Variants in NFIB observed in about 807,000 individuals in gnomAD.
NFIB encodes nuclear factor 1 B-type.
In NFIB, 11 loss-of-function variants were observed where a neutral mutation model predicts 61.5. The observed-to-expected ratio is 0.18, with a 90% CI of 0.11 to 0.30. The LOEUF is 0.30. Ranked by LOEUF, NFIB falls within the 10% of genes least tolerant of loss-of-function variation. The pLI is 1.00. For synonymous variants in NFIB, 260 were observed against 216.5 expected (o/e 1.20, Z -1.76); for missense variants, 471 against 608.9 (o/e 0.77, Z 2.38).
chr9:14,456,447 T>C, the NFIB span, among the ~76,000 whole-genome samples: 34 of 152,152 alleles, frequency 2.2e-4, no homozygotes, highest in African/African-American at 7.5e-4. Context: ...TATAGACATA[T>C]AATTAATTTC....
intron 1 of NFIB, among the ~76,000 whole-genome samples, chr9:14,378,899 T>C (rs1213940674): frequency 1.3e-5 from 2 of 152,206 alleles, no homozygotes; most frequent in Non-Finnish European, 1.5e-5. Flanking sequence ...CTGATTTGAT[T>C]TGACCTTGGT....
intron 2 of NFIB, among the ~76,000 whole-genome samples, chr9:14,270,579 CAAAAAAAAAAAAAAAAAA>C (rs147823074): frequency 1.8e-5 from 1 of 54,376 alleles, no homozygotes; most frequent in Non-Finnish European, 3.2e-5. Flanking sequence ...CCTTAGATCA[CAAAAAAAAAAAAAAAAAA>C]AAAAAAAAAA....
intron 2 of NFIB, among the ~76,000 whole-genome samples, chr9:14,216,026 G>A (rs759331620): frequency 1.3e-5 from 2 of 152,094 alleles, no homozygotes; most frequent in Non-Finnish European, 2.9e-5. Context: ...TGGTAATGAC[G>A]ATAAAGCTGG....
chr9:14,424,491 C>A, the NFIB span, among the ~76,000 whole-genome samples: 1 of 152,210 alleles, frequency 6.6e-6, no homozygotes, highest in Admixed American at 6.5e-5. Context: ...CTTATTCGAG[C>A]TTGAAACATT....
intron 2 of NFIB, chr9:14,204,429 G>A: frequency 8.7e-7 from 1 of 1,145,860 alleles, no homozygotes. Flanking sequence ...CCCCGCTATA[G>A]CAGGTTGCAG....
At chr9:14,432,408 C>T in the NFIB span, among the ~76,000 whole-genome samples, 185 of 152,328 alleles carry the variant, frequency 1.2e-3, no homozygotes, top group African/African-American at 4.3e-3. Context: ...TTCCTGGGTA[C>T]ATGGTTCTCT....
chr9:14,429,928 G>C, the NFIB span, among the ~76,000 whole-genome samples: 5 of 152,212 alleles, frequency 3.3e-5, no homozygotes, highest in South Asian at 1.0e-3. Flanking sequence ...TTTTAAATAA[G>C]AGAGTATTCA....
chr9:14,269,646 C>A (rs181467384), intron 2 of NFIB, among the ~76,000 whole-genome samples: 5 of 152,204 alleles, frequency 3.3e-5, no homozygotes, highest in Admixed American at 1.3e-4. Flanking sequence ...GAAAAGCATT[C>A]ATGCCAACCC....
intron 10 of NFIB, among the ~76,000 whole-genome samples, chr9:14,102,722 C>T (rs955979858): frequency 4.0e-5 from 6 of 151,872 alleles, no homozygotes; most frequent in African/African-American, 1.5e-4. Context: ...CAATATGCTT[C>T]TCTATTAATT....
At chr9:14,155,719 A>G (rs2043316711) in intron 4 of NFIB, 106 bp downstream of exon 4, 1 of 557,568 alleles carries the variant, frequency 1.8e-6, no homozygotes, top group African/African-American at 2.0e-5. Context: ...TTTTAATTCA[A>G]ATTTTCCTAA....
At chr9:14,200,479 C>T (rs1246369562) in intron 2 of NFIB, among the ~76,000 whole-genome samples, 1 of 152,240 alleles carries the variant, frequency 6.6e-6, no homozygotes, top group Non-Finnish European at 1.5e-5. Flanking sequence ...CACTAGCTCT[C>T]AGGATCGGTA....
intron 2 of NFIB, among the ~76,000 whole-genome samples, chr9:14,261,526 A>C (rs1478001334): frequency 6.6e-6 from 1 of 152,226 alleles, no homozygotes; most frequent in East Asian, 1.9e-4. Context: ...TTAACTCACA[A>C]AAGGCAGATT....
At chr9:14,145,027 G>A (rs532234242) in intron 6 of NFIB, among the ~76,000 whole-genome samples, 1 of 152,184 alleles carries the variant, frequency 6.6e-6, no homozygotes, top group Non-Finnish European at 1.5e-5. Context: ...GGAATAAAAT[G>A]CTGTTATTTA....
At chr9:14,230,052 G>A (rs879906055) in intron 2 of NFIB, among the ~76,000 whole-genome samples, 11 of 152,152 alleles carry the variant, frequency 7.2e-5, no homozygotes, top group South Asian at 4.1e-4. Flanking sequence ...TGATCAGCCC[G>A]CCTTAGCCTC....
intron 1 of NFIB, among the ~76,000 whole-genome samples, chr9:14,392,587 G>C (rs797021318): frequency 7.9e-5 from 12 of 152,210 alleles, no homozygotes; most frequent in African/African-American, 2.9e-4. Flanking sequence ...AATTATTCAG[G>C]TGTGGTGGTG....
chr9:14,301,296 T>G (rs1042856483), intron 2 of NFIB, among the ~76,000 whole-genome samples: 3 of 152,212 alleles, frequency 2.0e-5, no homozygotes, highest in Non-Finnish European at 4.4e-5. Context: ...TCTCGAACAA[T>G]GCATATTATT....
At chr9:14,106,077 A>G (rs1483394578) in intron 10 of NFIB, among the ~76,000 whole-genome samples, 1 of 152,100 alleles carries the variant, frequency 6.6e-6, no homozygotes, top group Admixed American at 6.6e-5. Context: ...GAATGCTGTA[A>G]GAATTTTTCC....
At chr9:14,504,035 T>G in the NFIB span, among the ~76,000 whole-genome samples, 10 of 152,222 alleles carry the variant, frequency 6.6e-5, no homozygotes, top group Non-Finnish European at 1.5e-4. Flanking sequence ...CTTCTACATG[T>G]GGTTTGCCAA....
At chr9:14,529,093 A>C in the NFIB span, among the ~76,000 whole-genome samples, 1 of 152,178 alleles carries the variant, frequency 6.6e-6, no homozygotes, top group Non-Finnish European at 1.5e-5. Flanking sequence ...ACACACACAC[A>C]GGAGTTTACT....
Sources: gnomAD v4.1 joint callset for allele counts (sites outside exome capture counted in the v4.1 genomes callset) on GRCh38, gnomAD v4.1.1 for gene constraint, MANE v1.5 for transcripts, NCBI Gene and HGNC (gene_info 2026-07-23, HGNC 2026-07-21) for gene names.